CTNNA2: variants seen among roughly 807,000 people sequenced by gnomAD.
The protein encoded by CTNNA2 is catenin alpha-2.
CTNNA2 carries 42 observed loss-of-function variants against 101.0 expected under a neutral mutation model. The observed-to-expected ratio is 0.42, with a 90% CI of 0.32 to 0.54. The LOEUF (loss-of-function observed/expected upper bound fraction) is 0.54. Among genes scored for constraint, CTNNA2 ranks in the 20% least tolerant of loss-of-function variants. The pLI is 0.14. For synonymous variants in CTNNA2, 450 were observed against 456.4 expected, an observed-to-expected ratio of 0.99 and a Z score of 0.18; for missense variants, 871 against 1,223.1, an observed-to-expected ratio of 0.71 and a Z score of 4.29.
chr2:79,393,835 G>A (rs1678200600), intron 4 of CTNNA2, among the ~76,000 whole-genome samples: 1 of 152,074 alleles, frequency 6.6e-6, no homozygotes, highest in African/African-American at 2.4e-5. Context: ...CTGGCTCCCT[G>A]CAGGATCGGC....
chr2:79,835,666 G>GTTTTTTTT lies in CTNNA2; in HGVS notation c.299-22317_299-22310dup, dbSNP rs70940048. On this transcript the variant is annotated intron_variant, in intron 3 of 18. Transcript: ENST00000402739. Reference sequence around the variant, plus strand: ...CTGTGCTGCAGAATGGCCTCTCTTTGTTTTTTTTTTTTTTTTTTTTTTTTT... The same window carrying GTTTTTTTT: ...CTGTGCTGCAGAATGGCCTCTCTTTGTTTTTTTTTTTTTTTTTTTTTTTTTTTTTTTTT... Among the ~76,000 whole-genome samples the GTTTTTTTT allele has an allele frequency of 9.0e-4, 53 of 58,634 alleles. 10 individuals are homozygous for GTTTTTTTT. The highest frequency in any genetic ancestry group is 2.3e-3 in the African/African-American group (31 of 13,696). The allele number at this position is 58,634 out of a possible 152,430, so 38.5% of individuals were successfully genotyped here.
intron 2 of CTNNA2, among the ~76,000 whole-genome samples, chr2:79,723,074 A>T (rs186507986): frequency 1.2e-3 from 183 of 152,260 alleles, no homozygotes; most frequent in African/African-American, 4.0e-3. Flanking sequence ...AAAATACTTT[A>T]TTTTTTTAAG....
intron 2 of CTNNA2, among the ~76,000 whole-genome samples, chr2:79,288,902 A>T (rs1675706600): frequency 6.6e-6 from 1 of 152,228 alleles, no homozygotes; most frequent in South Asian, 2.1e-4. Flanking sequence ...AAAATTGAAC[A>T]TCAACTGATA....
At chr2:79,747,471 G>T (rs149362485) in intron 3 of CTNNA2, among the ~76,000 whole-genome samples, 1 of 152,142 alleles carries the variant, frequency 6.6e-6, no homozygotes, top group African/African-American at 2.4e-5. Flanking sequence ...GATAGCAAAG[G>T]TATTCATAGT....
chr2:80,544,862 AT>A, intron 9 of CTNNA2, 119 bp from the exon 10 acceptor site: 2 of 784,120 alleles, frequency 2.6e-6, no homozygotes. Context: ...GGGTACCCTT[AT>A]CTTATTTCTG....
At position 79,948,509 on chromosome 2, in the gene CTNNA2, A is replaced by G. The variant is rs144347684; in HGVS notation, c.1056+38712A>G. Reference sequence around the variant, plus strand: ...GATTAATGACAGTGAAGTGCTGCAAACAGTGCATGGCGCATAGCGTTATGA... The same window carrying G: ...GATTAATGACAGTGAAGTGCTGCAAGCAGTGCATGGCGCATAGCGTTATGA... On this transcript the variant is annotated intron_variant, in intron 7 of 18. Coordinates refer to ENST00000402739, the MANE Select transcript of CTNNA2 (RefSeq NM_001282597.3). 5.0e-4 allele frequency among the ~76,000 whole-genome samples: 76 copies of G among 152,356 alleles called. No individual in the cohort carries two copies. The Middle Eastern group carries it at 0.01, about 20-fold the overall frequency.
chr2:79,365,804 T>C (rs1228231058), intron 3 of CTNNA2, among the ~76,000 whole-genome samples: 1 of 152,144 alleles, frequency 6.6e-6, no homozygotes, highest in African/African-American at 2.4e-5. Context: ...GTACACTCTG[T>C]CTCCTGCCAA....
intron 4 of CTNNA2, among the ~76,000 whole-genome samples, chr2:79,377,218 A>G (rs767784233): frequency 1.4e-4 from 22 of 152,168 alleles, no homozygotes; most frequent in Non-Finnish European, 2.2e-4. Context: ...CTATGTTAAT[A>G]TAAAGTATCA....
chr2:80,492,469 A>G lies in CTNNA2; in HGVS notation c.1291-52513A>G, dbSNP rs566317997. 4.6e-5 allele frequency among the ~76,000 whole-genome samples: 7 copies of G among 152,358 alleles called. No individual in the cohort carries two copies. The South Asian group carries it at 1.4e-3, about 32-fold the overall frequency. On this transcript the variant is annotated intron_variant, in intron 9 of 18. Coordinates refer to ENST00000402739, the MANE Select transcript of CTNNA2 (RefSeq NM_001282597.3). ...TGAAATTTGTCACTATCCCTTATAC[A>G]CATTCATGCTACTTCAGTCTAATAT...
At position 79,245,543 on chromosome 2, in the gene CTNNA2, C is replaced by T. The variant is rs181894222; in HGVS notation, c.-406+47467C>T. 5.9e-5 allele frequency among the ~76,000 whole-genome samples: 9 copies of T among 152,270 alleles called. No homozygotes were observed. The East Asian group carries it at 1.4e-3, about 23-fold the overall frequency. ...GCACCTTCCCAAGGATGGGCCTGGA[C>T]CCAGACCCTCCCAGGAAGCTCTACT... is the stretch of plus-strand genomic sequence containing the variant. On this transcript the variant is annotated intron_variant, in intron 2 of 21. Transcript: ENST00000466387.
chr2:80,096,651 G>A (rs181342671), intron 7 of CTNNA2, among the ~76,000 whole-genome samples: 57 of 152,184 alleles, frequency 3.7e-4, no homozygotes, highest in African/African-American at 1.3e-3. Context: ...AAGTCTCTTT[G>A]TAGGTCACTA....
intron 2 of CTNNA2, among the ~76,000 whole-genome samples, chr2:79,735,954 C>T (rs1055520806): frequency 2.0e-5 from 3 of 152,148 alleles, no homozygotes. Context: ...ACTGTGGAAG[C>T]ATCAGTAACT....
intron 7 of CTNNA2, among the ~76,000 whole-genome samples, chr2:79,984,507 A>G (rs1691623884): frequency 6.6e-6 from 1 of 152,212 alleles, no homozygotes; most frequent in South Asian, 2.1e-4. Context: ...ACATCCTGTC[A>G]AATTTACAAG....
chr2:79,509,478 A>G (rs1573204302), upstream of CTNNA2, among the ~76,000 whole-genome samples: 1 of 152,208 alleles, frequency 6.6e-6, no homozygotes, highest in African/African-American at 2.4e-5. Context: ...TCTTACATGC[A>G]TATTACTAAG....
intron 18 of CTNNA2, among the ~76,000 whole-genome samples, chr2:80,641,435 A>G (rs1370727452): frequency 6.6e-6 from 1 of 152,182 alleles, no homozygotes; most frequent in Non-Finnish European, 1.5e-5. Flanking sequence ...TATTGTAAAT[A>G]TATGAATTCA....
chr2:80,167,419 T>C (rs1393067511), intron 7 of CTNNA2, among the ~76,000 whole-genome samples: 1 of 152,176 alleles, frequency 6.6e-6, no homozygotes, highest in East Asian at 1.9e-4. Flanking sequence ...TGGAAGTATG[T>C]CTATTCTCAG....
intron 7 of CTNNA2, among the ~76,000 whole-genome samples, chr2:80,236,599 T>A (rs551923129): frequency 1.3e-5 from 2 of 152,304 alleles, no homozygotes; most frequent in East Asian, 1.9e-4. Context: ...TCTACTAGTG[T>A]GTGCAGGAGG....
chr2:80,374,690 T>C (rs1043270607), intron 7 of CTNNA2, among the ~76,000 whole-genome samples: 16 of 151,352 alleles, frequency 1.1e-4, no homozygotes, highest in South Asian at 6.3e-4. Flanking sequence ...TGCGTGTGTG[T>C]GTGTGTGTGT....
chr2:80,351,253 A>G (rs1673263923), intron 7 of CTNNA2, among the ~76,000 whole-genome samples: 1 of 152,118 alleles, frequency 6.6e-6, no homozygotes, highest in Non-Finnish European at 1.5e-5. Flanking sequence ...CTCTTTCCCC[A>G]CATAGGCAGA....
Sources: gnomAD v4.1 joint callset for allele counts (sites outside exome capture counted in the v4.1 genomes callset) on GRCh38, gnomAD v4.1.1 for gene constraint, MANE v1.5 for transcripts, NCBI Gene and HGNC (gene_info 2026-07-23, HGNC 2026-07-21) for gene names.